Variants in SYT16 observed in about 807,000 individuals in gnomAD.
The protein encoded by SYT16 is synaptotagmin-16.
In SYT16, 42 loss-of-function variants were observed where a neutral mutation model predicts 61.4. That is an observed-to-expected ratio of 0.68 (90% CI 0.53 to 0.89). The LOEUF (loss-of-function observed/expected upper bound fraction) is 0.89. Among genes scored for constraint, SYT16 ranks in the 40% least tolerant of loss-of-function variants. The pLI, the probability that SYT16 is intolerant of heterozygous loss-of-function variation, is 0.00. For missense variants in SYT16, 804 were observed against 807.3 expected, an observed-to-expected ratio of 1.00 and a Z score of 0.05; for synonymous variants, 314 against 302.3, an observed-to-expected ratio of 1.04 and a Z score of -0.40.
chr14:61,845,982 G>A (rs904317740), intron 1 of SYT16, among the ~76,000 whole-genome samples: 4 of 152,040 alleles, frequency 2.6e-5, no homozygotes, highest in Non-Finnish European at 4.4e-5. Context: ...TATTTGTATC[G>A]TTTCCAAATT....
At chr14:62,043,292 C>A (rs1364039084) in intron 3 of SYT16, among the ~76,000 whole-genome samples, 1 of 151,774 alleles carries the variant, frequency 6.6e-6, no homozygotes, top group African/African-American at 2.4e-5. Flanking sequence ...GTTTCGCTAT[C>A]GACTGTGATG....
At chr14:62,058,817 G>GTTTAAA (rs1442129435) in intron 3 of SYT16, among the ~76,000 whole-genome samples, 1 of 152,166 alleles carries the variant, frequency 6.6e-6, no homozygotes, top group African/African-American at 2.4e-5. Context: ...CATGGAATCA[G>GTTTAAA]CCTAAATGTC....
chr14:62,039,323 C>T (rs907389377), intron 3 of SYT16, among the ~76,000 whole-genome samples: 3 of 152,052 alleles, frequency 2.0e-5, no homozygotes, highest in South Asian at 2.1e-4. Context: ...AATAGAATGC[C>T]ATGAAATCAG....
chr14:62,016,999 G>A (rs1350183912), intron 3 of SYT16, among the ~76,000 whole-genome samples: 4 of 152,138 alleles, frequency 2.6e-5, no homozygotes, highest in Non-Finnish European at 5.9e-5. Flanking sequence ...GGGAAGGTTA[G>A]TTAAATTTTG....
At chr14:61,831,955 G>A in intron 1 of SYT16, 1 of 561,054 alleles carries the variant, frequency 1.8e-6, no homozygotes, top group Non-Finnish European at 3.5e-6. Flanking sequence ...GTCTGCATGG[G>A]CACCCACTCT....
At chr14:62,058,819 C>T (rs557178476) in intron 3 of SYT16, among the ~76,000 whole-genome samples, 1 of 152,068 alleles carries the variant, frequency 6.6e-6, no homozygotes, top group Non-Finnish European at 1.5e-5. Context: ...TGGAATCAGC[C>T]TAAATGTCCA....
At chr14:62,037,067 C>T (rs986795433) in intron 3 of SYT16, among the ~76,000 whole-genome samples, 7 of 152,144 alleles carry the variant, frequency 4.6e-5, no homozygotes. Flanking sequence ...GAAAAGCCTC[C>T]ACTGTATGCA....
intron 1 of SYT16, among the ~76,000 whole-genome samples, chr14:61,835,743 A>C (rs530631270): frequency 1.4e-4 from 22 of 152,218 alleles, no homozygotes; most frequent in African/African-American, 4.8e-4. Context: ...ATGTTGCCAA[A>C]TTTCCCTACA....
At position 61,948,295 on chromosome 14, in the gene SYT16, C is replaced by T. The variant is rs2050530265; in HGVS notation, c.-324-21837C>T. 1.3e-5 allele frequency among the ~76,000 whole-genome samples: 2 copies of T among 152,004 alleles called. 1 individual carries two copies. Among genetic ancestry groups the T allele is most frequent in the East Asian group, 3.9e-4 (2 of 5,190 alleles). Reference sequence around the variant, plus strand: ...CGTGAAATCATCTCTATCTGAACCTCACTATCCTGTAAGTTTATCAAAGTA... The same window carrying T: ...CGTGAAATCATCTCTATCTGAACCTTACTATCCTGTAAGTTTATCAAAGTA... On this transcript the variant is annotated intron_variant, in intron 1 of 7. Transcript: ENST00000683842.
rs115942474 is a variant in SYT16, at chr14:61,853,430, C to T, written c.-325+40620C>T. On this transcript the variant is annotated intron_variant, in intron 1 of 7. Transcript: ENST00000683842. ...AAGTACATGTGTTGAAATCCTAACC[C>T]TCAAGATGATGGCATTAGGAAGAGG... Among the ~76,000 whole-genome samples the T allele has an allele frequency of 4.5e-3, 692 of 152,306 alleles. 3 individuals are homozygous for T. The highest frequency in any genetic ancestry group is 0.016 in the African/African-American group (651 of 41,558).
chr14:62,095,712 T>C (rs1046281923), intron 7 of SYT16, among the ~76,000 whole-genome samples: 4 of 152,042 alleles, frequency 2.6e-5, no homozygotes, highest in Admixed American at 1.3e-4. Context: ...CAATACCAAG[T>C]AGAATCCCAA....
chr14:61,920,896 T>C (rs2049310072), intron 1 of SYT16, among the ~76,000 whole-genome samples: 1 of 152,122 alleles, frequency 6.6e-6, no homozygotes, highest in Admixed American at 6.6e-5. Flanking sequence ...TAAAGAGCAG[T>C]AAGTGGTAGA....
chr14:62,021,994 T>C (rs1002447410), intron 3 of SYT16, among the ~76,000 whole-genome samples: 1 of 152,154 alleles, frequency 6.6e-6, no homozygotes, highest in African/African-American at 2.4e-5. Flanking sequence ...AGCCAAGTGC[T>C]TTCTAATGGG....
At chr14:61,932,465 A>G (rs547823593) in intron 1 of SYT16, among the ~76,000 whole-genome samples, 2 of 152,332 alleles carry the variant, frequency 1.3e-5, no homozygotes, top group East Asian at 3.9e-4. Context: ...CACATCTTAC[A>G]TGGCAGCAGG....
chr14:61,815,038 A>G (rs995803607), intron 1 of SYT16, among the ~76,000 whole-genome samples: 1 of 152,232 alleles, frequency 6.6e-6, no homozygotes. Context: ...CCCTGACATC[A>G]GTATTTTTAA....
intron 1 of SYT16, among the ~76,000 whole-genome samples, chr14:61,878,994 A>C (rs1268948999): frequency 6.6e-6 from 1 of 152,050 alleles, no homozygotes; most frequent in African/African-American, 2.4e-5. Context: ...TTGGCTCTAA[A>C]CCCCCAGACT....
intron 1 of SYT16, among the ~76,000 whole-genome samples, chr14:61,919,500 C>T (rs1202686222): frequency 6.6e-6 from 1 of 152,184 alleles, no homozygotes; most frequent in Non-Finnish European, 1.5e-5. Context: ...AGTTTTCTTG[C>T]CATTTCTGGC....
rs111942539 is a variant in SYT16 at position 62,085,315 on chromosome 14, G to A, written c.1624+930G>A. Reference sequence around the variant, plus strand: ...GGACCTCATGCAAATACACCTAATTGGAGGACTTAATTTGGATCTGGAATG... The same window carrying A: ...GGACCTCATGCAAATACACCTAATTAGAGGACTTAATTTGGATCTGGAATG... On this transcript the variant is annotated intron_variant, in intron 7 of 7. Transcript: ENST00000683842. Among the ~76,000 whole-genome samples the A allele has an allele frequency of 2.0e-3, 305 of 152,246 alleles. 1 individual carries two copies. Among genetic ancestry groups the A allele is most frequent in the African/African-American group, 7.0e-3 (291 of 41,538 alleles).
intron 1 of SYT16, among the ~76,000 whole-genome samples, chr14:61,884,527 T>C (rs550895158): frequency 1.3e-5 from 2 of 152,206 alleles, no homozygotes; most frequent in Non-Finnish European, 2.9e-5. Context: ...CAGCTTCTCT[T>C]CTCCACTGAT....
Sources: allele counts gnomAD v4.1 joint callset (sites outside exome capture counted in the v4.1 genomes callset), GRCh38; gene constraint gnomAD v4.1.1; transcripts MANE v1.5; gene names NCBI Gene and HGNC (gene_info 2026-07-23, HGNC 2026-07-21).